Variants in LRRC37A2 observed in about 807,000 individuals in gnomAD.
LRRC37A2 encodes leucine-rich repeat-containing protein 37A2.
A neutral mutation model predicts 68.8 loss-of-function variants in LRRC37A2; 9 were observed. The observed-to-expected ratio is 0.13, with a 90% CI of 0.08 to 0.23. The LOEUF (loss-of-function observed/expected upper bound fraction) is 0.23. Among genes scored for constraint, LRRC37A2 ranks in the 10% least tolerant of loss-of-function variants. LRRC37A2 has a pLI of 1.00. For synonymous variants in LRRC37A2, 63 were observed against 367.6 expected, an observed-to-expected ratio of 0.17 and a Z score of 9.48; for missense variants, 168 against 950.4, an observed-to-expected ratio of 0.18 and a Z score of 10.82.
the LRRC37A2 span, among the ~76,000 whole-genome samples, chr17:46,954,933 T>C: frequency 1.3e-5 from 2 of 152,214 alleles, no homozygotes; most frequent in African/African-American, 4.8e-5. Context: ...GACAGTGGGG[T>C]TTTCTAGATA....
the LRRC37A2 span, among the ~76,000 whole-genome samples, chr17:46,893,880 G>A: frequency 6.6e-6 from 1 of 152,188 alleles, no homozygotes; most frequent in Non-Finnish European, 1.5e-5. Context: ...GAGCATGGAT[G>A]TCATGCTTCA....
the LRRC37A2 span, among the ~76,000 whole-genome samples, chr17:46,970,818 T>G: frequency 6.6e-6 from 1 of 152,246 alleles, no homozygotes; most frequent in Non-Finnish European, 1.5e-5. Flanking sequence ...ACATGAACCT[T>G]TGTCATCATA....
the LRRC37A2 span, chr17:47,019,711 T>C: frequency 9.1e-7 from 1 of 1,097,564 alleles, no homozygotes; most frequent in Middle Eastern, 2.8e-4. Flanking sequence ...GGAGATGAGA[T>C]GTTGTCATGT....
the LRRC37A2 span, among the ~76,000 whole-genome samples, chr17:46,386,164 A>G: frequency 8.6e-6 from 1 of 116,952 alleles, no homozygotes; most frequent in Non-Finnish European, 2.0e-5. Flanking sequence ...AGTAGTGTGA[A>G]CATGGCTGAC....
the LRRC37A2 span, among the ~76,000 whole-genome samples, chr17:46,491,212 A>AT: frequency 1.3e-5 from 2 of 151,194 alleles, no homozygotes; most frequent in South Asian, 2.1e-4. Context: ...ATATGTATGT[A>AT]TTTTTTACAA....
the LRRC37A2 span, chr17:46,973,121 G>A: frequency 6.5e-6 from 1 of 153,108 alleles, no homozygotes; most frequent in Non-Finnish European, 1.5e-5. Context: ...GTGTGCATGT[G>A]TGCAACCCAC....
chr17:46,931,351 G>A, the LRRC37A2 span: 1 of 677,516 alleles, frequency 1.5e-6, no homozygotes, highest in South Asian at 1.7e-5. Flanking sequence ...CCCCTCAAAG[G>A]GCACAATTCT....
the LRRC37A2 span, among the ~76,000 whole-genome samples, chr17:46,972,459 C>T: frequency 6.6e-6 from 1 of 152,238 alleles, no homozygotes; most frequent in Non-Finnish European, 1.5e-5. Flanking sequence ...ACACTGGGCA[C>T]CCCGAGCCCT....
chr17:47,031,037 C>T, the LRRC37A2 span, among the ~76,000 whole-genome samples: 14 of 151,702 alleles, frequency 9.2e-5, no homozygotes. Context: ...CAAGATAAGG[C>T]TCAGGCCCCA....
the LRRC37A2 span, among the ~76,000 whole-genome samples, chr17:46,375,010 ATC>A: frequency 9.9e-6 from 1 of 101,398 alleles, no homozygotes; most frequent in Non-Finnish European, 2.2e-5. Context: ...AACCCTTTAT[ATC>A]TCTCTTTTGC....
At chr17:46,908,399 G>A in the LRRC37A2 span, among the ~76,000 whole-genome samples, 86,588 of 151,952 alleles carry the variant, frequency 0.57, 25,402 homozygotes, top group Non-Finnish European at 0.65. Context: ...AATGCAGCTT[G>A]TCTCCTGGAG....
At chr17:46,966,106 T>A in the LRRC37A2 span, among the ~76,000 whole-genome samples, 1 of 152,218 alleles carries the variant, frequency 6.6e-6, no homozygotes, top group African/African-American at 2.4e-5. Context: ...CCTCCTCATC[T>A]TCTTCATCAT....
At chr17:46,502,033 T>C in the LRRC37A2 span, among the ~76,000 whole-genome samples, 2 of 151,322 alleles carry the variant, frequency 1.3e-5, no homozygotes, top group Non-Finnish European at 2.9e-5. Context: ...CACTCAAATA[T>C]GGTAAAGGTA....
the LRRC37A2 span, among the ~76,000 whole-genome samples, chr17:46,502,653 C>G: frequency 6.6e-6 from 1 of 151,212 alleles, no homozygotes; most frequent in Non-Finnish European, 1.5e-5. Context: ...GTCTTTTTTG[C>G]TTTTTATAAA....
chr17:46,990,667 C>A, the LRRC37A2 span, among the ~76,000 whole-genome samples: 1 of 127,742 alleles, frequency 7.8e-6, no homozygotes, highest in African/African-American at 2.5e-5. Context: ...ACAACACACA[C>A]AAAATGCTTT....
At chr17:46,491,093 C>T in the LRRC37A2 span, among the ~76,000 whole-genome samples, 1 of 150,794 alleles carries the variant, frequency 6.6e-6, no homozygotes, top group Non-Finnish European at 1.5e-5. Flanking sequence ...GATGGAGTTT[C>T]ACCGTGTTGC....
At chr17:46,991,692 C>T in the LRRC37A2 span, among the ~76,000 whole-genome samples, 30,226 of 152,174 alleles carry the variant, frequency 0.2, 4,156 homozygotes, top group East Asian at 0.61. Context: ...ATCATTTCAT[C>T]CTAGAAGGTT....
At chr17:46,982,612 G>A in the LRRC37A2 span, among the ~76,000 whole-genome samples, 4 of 152,188 alleles carry the variant, frequency 2.6e-5, no homozygotes, top group Admixed American at 1.3e-4. Context: ...ATCAGAGCCA[G>A]AATTTCAGCC....
chr17:46,665,719 T>C, the LRRC37A2 span, among the ~76,000 whole-genome samples: 1 of 35,504 alleles, frequency 2.8e-5, no homozygotes, highest in East Asian at 4.5e-4. Context: ...TTCAGTTATT[T>C]GTAGCACACA....
Sources: gnomAD v4.1 joint callset for allele counts (sites outside exome capture counted in the v4.1 genomes callset) on GRCh38, gnomAD v4.1.1 for gene constraint, MANE v1.5 for transcripts, NCBI Gene and HGNC (gene_info 2026-07-23, HGNC 2026-07-21) for gene names.